Variants in PRR16 observed in about 807,000 individuals in gnomAD.
PRR16 encodes protein Largen.
In PRR16, 6 loss-of-function variants were observed where a neutral mutation model predicts 18.2. That is an observed-to-expected ratio of 0.33 (90% CI 0.18 to 0.65). The LOEUF is 0.65. PRR16 is among the 30% of genes least tolerant of loss of function. The pLI is 0.74. For missense variants in PRR16, 412 were observed against 376.6 expected, an observed-to-expected ratio of 1.09 and a Z score of -0.78; for synonymous variants, 151 against 147.8, an observed-to-expected ratio of 1.02 and a Z score of -0.16.
chr5:120,603,409 C>T (rs1315627874), intron 1 of PRR16, among the ~76,000 whole-genome samples: 2 of 152,026 alleles, frequency 1.3e-5, no homozygotes, highest in African/African-American at 2.4e-5. Flanking sequence ...GTGTTAATGT[C>T]ACCTTTGCCA....
chr5:120,523,821 C>T (rs942234887), intron 1 of PRR16, among the ~76,000 whole-genome samples: 3 of 151,820 alleles, frequency 2.0e-5, no homozygotes, highest in Non-Finnish European at 2.9e-5. Context: ...TAACTTATAC[C>T]ATAAAAGATT....
intron 1 of PRR16, among the ~76,000 whole-genome samples, chr5:120,491,127 C>T (rs112609963): frequency 0.15 from 22,702 of 152,066 alleles, 1,786 homozygotes; most frequent in Non-Finnish European, 0.18. Flanking sequence ...GCAGTCTGTC[C>T]GTTCTCAGAT....
intron 1 of PRR16, among the ~76,000 whole-genome samples, chr5:120,524,461 A>G (rs1751287149): frequency 6.6e-6 from 1 of 152,236 alleles, no homozygotes; most frequent in African/African-American, 2.4e-5. Flanking sequence ...ACTGATATCC[A>G]AACTATTATG....
chr5:120,489,700 G>T (rs1749953457), intron 1 of PRR16, among the ~76,000 whole-genome samples: 1 of 152,156 alleles, frequency 6.6e-6, no homozygotes, highest in African/African-American at 2.4e-5. Context: ...TCATTATGAT[G>T]TTAGCTGGTT....
the PRR16 span, among the ~76,000 whole-genome samples, chr5:120,769,766 T>C: frequency 6.6e-6 from 1 of 151,934 alleles, no homozygotes; most frequent in East Asian, 1.9e-4. Flanking sequence ...CTGTTTTTAA[T>C]TTTTTGAGGA....
At chr5:120,754,223 TATAA>T in the PRR16 span, among the ~76,000 whole-genome samples, 1 of 52,934 alleles carries the variant, frequency 1.9e-5, no homozygotes, top group African/African-American at 6.7e-5. Flanking sequence ...TATTATAATA[TATAA>T]TATAATATAT....
intron 1 of PRR16, among the ~76,000 whole-genome samples, chr5:120,624,848 G>A (rs1266137317): frequency 6.6e-6 from 1 of 152,054 alleles, no homozygotes; most frequent in Non-Finnish European, 1.5e-5. Context: ...TGAATCATGG[G>A]GGGTGGATCT....
the PRR16 span, among the ~76,000 whole-genome samples, chr5:120,716,328 CTT>C: frequency 6.6e-6 from 1 of 152,150 alleles, no homozygotes; most frequent in Non-Finnish European, 1.5e-5. Flanking sequence ...AATTCCACCT[CTT>C]TTGTTTTTAA....
chr5:120,490,881 C>T (rs1465291583), intron 1 of PRR16, among the ~76,000 whole-genome samples: 1 of 152,148 alleles, frequency 6.6e-6, no homozygotes, highest in Non-Finnish European at 1.5e-5. Context: ...AGTCAGGACC[C>T]TCAGCTGCAG....
At chr5:120,665,510 TTTTAGACATGAAGTCCTTGCCCATG>T (rs1756340485) in intron 1 of PRR16, among the ~76,000 whole-genome samples, 1 of 152,218 alleles carries the variant, frequency 6.6e-6, no homozygotes, top group African/African-American at 2.4e-5. Context: ...GCTTTTAGTG[TTTTAGACATGAAGTCCTTGCCCATG>T]TCTATGTCCT....
intron 1 of PRR16, among the ~76,000 whole-genome samples, chr5:120,659,660 C>A (rs1756107490): frequency 6.6e-6 from 1 of 151,868 alleles, no homozygotes; most frequent in African/African-American, 2.4e-5. Context: ...CTTTCATCTT[C>A]TGGGTTGGTA....
At chr5:120,754,889 T>A in the PRR16 span, among the ~76,000 whole-genome samples, 1 of 150,388 alleles carries the variant, frequency 6.6e-6, no homozygotes, top group South Asian at 2.1e-4. Flanking sequence ...ATAAGGAGAG[T>A]GAAAATATTT....
chr5:120,682,223 AC>A (rs1427759133), intron 1 of PRR16, among the ~76,000 whole-genome samples: 21 of 152,184 alleles, frequency 1.4e-4, no homozygotes, highest in African/African-American at 4.8e-4. Context: ...GACTGCTTGA[AC>A]CACTCTTCTG....
intron 1 of PRR16, among the ~76,000 whole-genome samples, chr5:120,591,191 A>G (rs940429137): frequency 2.0e-5 from 3 of 151,952 alleles, no homozygotes; most frequent in Admixed American, 6.6e-5. Flanking sequence ...AGGCAGGAGA[A>G]TCCCTTGAAC....
chr5:120,729,190 T>C, the PRR16 span, among the ~76,000 whole-genome samples: 1 of 152,144 alleles, frequency 6.6e-6, no homozygotes, highest in Non-Finnish European at 1.5e-5. Flanking sequence ...GTGAATTGAC[T>C]TAAGGAAGGA....
At chr5:120,630,401 T>G (rs1029472598) in intron 1 of PRR16, among the ~76,000 whole-genome samples, 1 of 152,156 alleles carries the variant, frequency 6.6e-6, no homozygotes, top group African/African-American at 2.4e-5. Context: ...CATTTTGGCT[T>G]GTAAGGTCAT....
the PRR16 span, among the ~76,000 whole-genome samples, chr5:120,711,989 T>A: frequency 6.6e-6 from 1 of 152,178 alleles, no homozygotes; most frequent in African/African-American, 2.4e-5. Flanking sequence ...TAGCCTTAAT[T>A]TGACCACCTG....
chr5:120,649,563 A>G (rs1233795698), intron 1 of PRR16, among the ~76,000 whole-genome samples: 2 of 152,182 alleles, frequency 1.3e-5, no homozygotes, highest in Admixed American at 1.3e-4. Context: ...AAACAGATGT[A>G]GCTCCAGCCT....
At chr5:120,710,531 G>A in the PRR16 span, among the ~76,000 whole-genome samples, 2 of 152,080 alleles carry the variant, frequency 1.3e-5, no homozygotes, top group Admixed American at 6.6e-5. Context: ...CACATGCATG[G>A]TAGCTCACTG....
Sources: gnomAD v4.1 joint callset for allele counts (sites outside exome capture counted in the v4.1 genomes callset) on GRCh38, gnomAD v4.1.1 for gene constraint, MANE v1.5 for transcripts, NCBI Gene and HGNC (gene_info 2026-07-23, HGNC 2026-07-21) for gene names.